Variants in YAF2 observed in about 807,000 individuals in gnomAD.
YAF2 encodes the protein YY1-associated factor 2.
In YAF2, 7 loss-of-function variants were observed where a neutral mutation model predicts 20.1. The ratio of observed to expected loss-of-function variants is 0.35; its 90% confidence interval spans 0.20 to 0.65. The LOEUF is 0.65. YAF2 is among the 30% of genes least tolerant of loss of function. The pLI is 0.69. For missense variants in YAF2, 151 were observed against 219.2 expected, an observed-to-expected ratio of 0.69 and a Z score of 1.96; for synonymous variants, 74 against 76.0, an observed-to-expected ratio of 0.97 and a Z score of 0.14.
intron 2 of YAF2, among the ~76,000 whole-genome samples, chr12:42,229,431 A>AC (rs1347703041): frequency 2.6e-5 from 4 of 151,456 alleles, no homozygotes; most frequent in South Asian, 2.1e-4. Flanking sequence ...TAAAAAAAAA[A>AC]AAAAACATTT....
At chr12:42,206,293 T>A (rs2067037504) in intron 2 of YAF2, among the ~76,000 whole-genome samples, 1 of 113,778 alleles carries the variant, frequency 8.8e-6, no homozygotes, top group Non-Finnish European at 1.7e-5. Flanking sequence ...AATATGCTCT[T>A]AGTTAAAAAA....
intron 2 of YAF2, among the ~76,000 whole-genome samples, chr12:42,193,136 G>A (rs1592215134): frequency 6.6e-6 from 1 of 152,166 alleles, no homozygotes; most frequent in East Asian, 1.9e-4. Context: ...CCAACATGGT[G>A]AAACCCTGTC....
At chr12:42,187,167 TTGAC>T (rs1460322850) in intron 2 of YAF2, among the ~76,000 whole-genome samples, 13 of 152,130 alleles carry the variant, frequency 8.5e-5, no homozygotes, top group East Asian at 3.8e-4. Context: ...TATTTACTGA[TTGAC>T]TGACCAACAG....
Position 42,158,026 on chromosome 12 carries a change from G to A in YAF2, c.*2563C>T, listed in dbSNP as rs2065736337. On this transcript the variant is annotated 3_prime_UTR_variant, in exon 4 of 4. Coordinates refer to ENST00000534854, the MANE Select transcript of YAF2 (RefSeq NM_005748.6). Reference sequence around the variant, plus strand: ...AAGAACCCAGTGCTCAAACCACACTGTAAGTTCATGAAACAGAGAAAAACA... The same window carrying A: ...AAGAACCCAGTGCTCAAACCACACTATAAGTTCATGAAACAGAGAAAAACA... 6.6e-6 allele frequency: 1 copy of A among 152,144 alleles called. No individual in the cohort carries two copies. Among genetic ancestry groups the A allele is most frequent in the African/African-American group, 2.4e-5 (1 of 41,432 alleles). The allele number at this position is 152,144 out of a possible 1,614,324, so 9.4% of individuals were successfully genotyped here. A position where few individuals can be genotyped will look rare whatever the true frequency, so the allele number is the denominator to read the frequency against.
At chr12:42,179,009 T>C (rs986783891) in intron 2 of YAF2, among the ~76,000 whole-genome samples, 2 of 151,888 alleles carry the variant, frequency 1.3e-5, no homozygotes, top group African/African-American at 2.4e-5. Flanking sequence ...GCTATGACTA[T>C]GCCTCTGCAC....
chr12:42,166,082 C>T (rs1228646067), intron 2 of YAF2, among the ~76,000 whole-genome samples: 2 of 151,966 alleles, frequency 1.3e-5, no homozygotes, highest in Admixed American at 1.3e-4. Flanking sequence ...CCATGCCTGG[C>T]TAATTTTTTA....
At chr12:42,226,886 G>A (rs532377395) in intron 2 of YAF2, among the ~76,000 whole-genome samples, 3 of 148,988 alleles carry the variant, frequency 2.0e-5, no homozygotes, top group South Asian at 2.2e-4. Context: ...GCTCGAAGGC[G>A]CCGCGGGCTG....
Position 42,158,955 on chromosome 12 carries a change from A to C in YAF2, c.*1634T>G, listed in dbSNP as rs1179145067. On this transcript the variant is annotated 3_prime_UTR_variant, in exon 4 of 4. Coordinates refer to ENST00000534854, the MANE Select transcript of YAF2 (RefSeq NM_005748.6). ...AAAAATTCATGTTTTAAAGGAACAT[A>C]TCTGGTTAGCTGGTATTCCATTGAA... is the stretch of plus-strand genomic sequence containing the variant. The C allele has an allele frequency of 6.6e-6, 1 of 152,208 alleles. No homozygotes were observed. The highest frequency in any genetic ancestry group is 1.5e-5 in the Non-Finnish European group (1 of 68,020). 9.4% of individuals were successfully genotyped at this position (152,208 alleles called of 1,614,324 possible).
At chr12:42,194,455 C>A (rs2066697746) in intron 2 of YAF2, among the ~76,000 whole-genome samples, 3 of 152,052 alleles carry the variant, frequency 2.0e-5, no homozygotes, top group Admixed American at 2.0e-4. Flanking sequence ...ACCAGTCTGG[C>A]CAACACGGTG....
intron 2 of YAF2, among the ~76,000 whole-genome samples, chr12:42,213,753 C>CCT (rs2067276142): frequency 6.6e-6 from 1 of 152,126 alleles, no homozygotes; most frequent in African/African-American, 2.4e-5. Context: ...AAATGCCATA[C>CCT]CTTAAAAAGT....
intron 2 of YAF2, among the ~76,000 whole-genome samples, chr12:42,203,437 C>T (rs963662976): frequency 1.1e-4 from 17 of 151,108 alleles, no homozygotes; most frequent in African/African-American, 3.4e-4. Flanking sequence ...TTCTTTTTTG[C>T]GTATTGATAG....
chr12:42,208,336 G>T (rs762936764), intron 2 of YAF2, among the ~76,000 whole-genome samples: 14 of 151,986 alleles, frequency 9.2e-5, no homozygotes, highest in South Asian at 2.1e-4. Flanking sequence ...TGAGGCAAGG[G>T]AATTGCTTGA....
intron 2 of YAF2, among the ~76,000 whole-genome samples, chr12:42,187,512 ATTCT>A (rs1190643297): frequency 6.6e-6 from 1 of 151,844 alleles, no homozygotes; most frequent in Non-Finnish European, 1.5e-5. Flanking sequence ...GTGCTTCTAT[ATTCT>A]TTGTGTTCCA....
chr12:42,237,798 C>T lies in YAF2; in HGVS notation c.27-74G>A, dbSNP rs536043056. The T allele has an allele frequency of 1.0e-3, 1,077 of 1,080,900 alleles. 4 individuals are homozygous for T. Among genetic ancestry groups the T allele is most frequent in the Non-Finnish European group, 1.1e-3 (1,018 of 891,678 alleles). 67.0% of individuals were successfully genotyped at this position (1,080,900 alleles called of 1,614,324 possible). A position where few individuals can be genotyped will look rare whatever the true frequency, so the allele number is the denominator to read the frequency against. On this transcript the variant is annotated intron_variant, in intron 1 of 3. Coordinates refer to ENST00000534854, the MANE Select transcript of YAF2 (RefSeq NM_005748.6). ...CGCGCCCGGTGCCCGGGCCCCGCGG[C>T]CGCCCCCGCCCCGCCCCCCGCCCCA...
chr12:42,205,378 C>CTTT (rs572839071), intron 2 of YAF2, among the ~76,000 whole-genome samples: 3 of 140,686 alleles, frequency 2.1e-5, no homozygotes, highest in Admixed American at 7.1e-5. Context: ...TGCTTCTTCT[C>CTTT]TTTTTTTTTT....
intron 2 of YAF2, among the ~76,000 whole-genome samples, chr12:42,162,767 G>A (rs1478849324): frequency 1.3e-5 from 2 of 152,128 alleles, no homozygotes; most frequent in East Asian, 1.9e-4. Context: ...GCATGGCTGA[G>A]AGAAAATAGG....
At chr12:42,212,551 A>C in intron 2 of YAF2, 1 of 339,422 alleles carries the variant, frequency 2.9e-6, no homozygotes, top group South Asian at 2.2e-5. Flanking sequence ...TCACCACTGA[A>C]TAAATGAAAG....
intron 2 of YAF2, among the ~76,000 whole-genome samples, chr12:42,208,288 T>C (rs2067109843): frequency 6.6e-6 from 1 of 152,032 alleles, no homozygotes; most frequent in Non-Finnish European, 1.5e-5. Context: ...TAGCCAGGCC[T>C]GGTGGCAGAT....
intron 2 of YAF2, among the ~76,000 whole-genome samples, chr12:42,219,074 GCAAAA>G (rs1053449031): frequency 6.6e-5 from 10 of 152,132 alleles, no homozygotes; most frequent in African/African-American, 2.4e-4. Flanking sequence ...AAAATGTTTT[GCAAAA>G]CACCCTTATA....
Sources: gnomAD v4.1 joint callset for allele counts (sites outside exome capture counted in the v4.1 genomes callset) on GRCh38, gnomAD v4.1.1 for gene constraint, MANE v1.5 for transcripts, NCBI Gene and HGNC (gene_info 2026-07-23, HGNC 2026-07-21) for gene names.